The following SLC44A1 variants were observed in gnomAD, a reference collection of about 807,000 sequenced individuals.
SLC44A1 encodes the protein choline transporter-like protein 1.
A neutral mutation model predicts 79.3 loss-of-function variants in SLC44A1; 26 were observed. The observed-to-expected ratio is 0.33, with a 90% CI of 0.24 to 0.46. The LOEUF (loss-of-function observed/expected upper bound fraction) is 0.46, where lower values mean the gene tolerates loss of function less well. Among genes scored for constraint, SLC44A1 ranks in the 20% least tolerant of loss-of-function variants. The pLI is 1.00. For missense variants in SLC44A1, 688 were observed against 798.1 expected (o/e 0.86, Z 1.66); for synonymous variants, 263 against 286.2 (o/e 0.92, Z 0.82).
At chr9:105,259,289 A>G (rs1286227344) in intron 1 of SLC44A1, among the ~76,000 whole-genome samples, 1 of 152,220 alleles carries the variant, frequency 6.6e-6, no homozygotes, top group Admixed American at 6.5e-5. Flanking sequence ...ACTTTTAAAT[A>G]AGTAATGGAT....
chr9:105,394,554 T>G lies in SLC44A1; in HGVS notation c.*5498T>G. Reference sequence around the variant, plus strand: ...AGAAGAAATAAATAGGGAATCCTTGTAATTAATCCATCTACCAAAACACTT... The same window carrying G: ...AGAAGAAATAAATAGGGAATCCTTGGAATTAATCCATCTACCAAAACACTT... On this transcript the variant is annotated 3_prime_UTR_variant, in exon 16 of 16. Transcript: ENST00000374720. 1.0e-6 allele frequency: 1 copy of G among 985,048 alleles called. No homozygotes were observed. Among genetic ancestry groups the G allele is most frequent in the African/African-American group, 1.7e-5 (1 of 57,258 alleles). The allele number at this position is 985,048 out of a possible 1,614,324, so 61.0% of individuals were successfully genotyped here. A position where few individuals can be genotyped will look rare whatever the true frequency, so the allele number is the denominator to read the frequency against.
chr9:105,369,717 A>G (rs888788250), intron 12 of SLC44A1, among the ~76,000 whole-genome samples: 8 of 152,230 alleles, frequency 5.3e-5, no homozygotes, highest in African/African-American at 1.7e-4. Context: ...CATTATGTGA[A>G]TATTTTAAAC....
Position 105,396,603 on chromosome 9 carries a change from T to A in SLC44A1, c.*7547T>A. The A allele has an allele frequency of 2.0e-6, 2 of 985,420 alleles. No homozygotes were observed. Among genetic ancestry groups the A allele is most frequent in the Non-Finnish European group, 2.4e-6 (2 of 829,924 alleles). The allele number at this position is 985,420 out of a possible 1,614,324, so 61.0% of individuals were successfully genotyped here. A position where few individuals can be genotyped will look rare whatever the true frequency, so the allele number is the denominator to read the frequency against. On this transcript the variant is annotated 3_prime_UTR_variant, in exon 16 of 16. Transcript: ENST00000374720. ...ATCCAGTGTCAAGCCCAGCCCAGCA[T>A]ATGGGGTGATATGAGCAGAAAACAC...
At chr9:105,383,779 G>A (rs975620115) in intron 14 of SLC44A1, among the ~76,000 whole-genome samples, 6 of 152,102 alleles carry the variant, frequency 3.9e-5, no homozygotes, top group Non-Finnish European at 5.9e-5. Context: ...TGTCAACCCT[G>A]GTTAAAACTC....
In SLC44A1 at chr9:105,393,112, G is replaced by A; in HGVS notation, c.*4056G>A. 1.0e-6 allele frequency: 1 copy of A among 985,396 alleles called. No individual in the cohort carries two copies. The highest frequency in any genetic ancestry group is 1.7e-5 in the African/African-American group (1 of 57,360). The allele number at this position is 985,396 out of a possible 1,614,324, so 61.0% of individuals were successfully genotyped here. On this transcript the variant is annotated 3_prime_UTR_variant, in exon 16 of 16. Coordinates refer to ENST00000374720, the MANE Select transcript of SLC44A1 (RefSeq NM_080546.5). ...CTAGAACTGGTAAGAAGTGGTCTGT[G>A]AATGTATATTGAAAAAATGTGGGTT...
At chr9:105,294,798 T>C (rs1006036274) in intron 1 of SLC44A1, 1 of 151,902 alleles carries the variant, frequency 6.6e-6, no homozygotes, top group Non-Finnish European at 1.5e-5. Context: ...TTCAATTACA[T>C]GTATGTCATA....
chr9:105,384,808 A>G (rs1828579886), intron 14 of SLC44A1, among the ~76,000 whole-genome samples: 1 of 152,242 alleles, frequency 6.6e-6, no homozygotes, highest in Non-Finnish European at 1.5e-5. Context: ...TTGACAGAAT[A>G]GAAATGTTCC....
Position 105,419,072 on chromosome 9 carries a change from A to C in SLC44A1, c.1951-19209A>C, listed in dbSNP as rs548763893. Among the ~76,000 whole-genome samples the C allele has an allele frequency of 5.3e-5, 8 of 152,322 alleles. No homozygotes were observed. The East Asian group carries it at 7.7e-4, about 15-fold the overall frequency. On this transcript the variant is annotated intron_variant, in intron 15 of 15. Coordinates refer to the SLC44A1 transcript ENST00000374724. ...TGAACTTGACAATCAAAATAGAGCCAAGTGACAAAAGTTTGAAAAGACACA... is the reference window on the plus strand; with the variant it reads ...TGAACTTGACAATCAAAATAGAGCCCAGTGACAAAAGTTTGAAAAGACACA...
chr9:105,408,662 C>T (rs1038089430), intron 15 of SLC44A1, among the ~76,000 whole-genome samples: 1 of 152,174 alleles, frequency 6.6e-6, no homozygotes, highest in South Asian at 2.1e-4. Flanking sequence ...CCACCCACCT[C>T]GGCTTCCCAA....
At chr9:105,302,175 AC>A (rs1280070036) in intron 2 of SLC44A1, among the ~76,000 whole-genome samples, 5 of 152,094 alleles carry the variant, frequency 3.3e-5, no homozygotes, top group Non-Finnish European at 7.4e-5. Context: ...CTACATTTGA[AC>A]TTTCATCACT....
chr9:105,319,086 AG>A (rs1016763219), intron 3 of SLC44A1, among the ~76,000 whole-genome samples: 1 of 152,164 alleles, frequency 6.6e-6, no homozygotes, highest in African/African-American at 2.4e-5. Context: ...ATGGCAATCA[AG>A]TGGGTTTGCC....
At chr9:105,247,740 T>G (rs1405254744) in intron 1 of SLC44A1, among the ~76,000 whole-genome samples, 1 of 152,224 alleles carries the variant, frequency 6.6e-6, no homozygotes, top group Non-Finnish European at 1.5e-5. Context: ...TACTTAATAG[T>G]TGCTCAGCAG....
At chr9:105,275,509 C>T (rs1830177786) in intron 1 of SLC44A1, among the ~76,000 whole-genome samples, 2 of 152,190 alleles carry the variant, frequency 1.3e-5, no homozygotes, top group African/African-American at 2.4e-5. Flanking sequence ...CTGAGGGATC[C>T]ACCTTGGAGG....
At chr9:105,291,899 C>T (rs113459711) in intron 1 of SLC44A1, among the ~76,000 whole-genome samples, 10 of 152,192 alleles carry the variant, frequency 6.6e-5, no homozygotes, top group South Asian at 4.2e-4. Flanking sequence ...CTTGATTGTG[C>T]GTAAATTTCT....
At chr9:105,326,581 C>G (rs1385530587) in intron 3 of SLC44A1, among the ~76,000 whole-genome samples, 2 of 152,160 alleles carry the variant, frequency 1.3e-5, no homozygotes, top group Non-Finnish European at 2.9e-5. Flanking sequence ...TTCTTTGGCT[C>G]TTTCGTCATC....
At chr9:105,352,754 G>A (rs1219340944) in intron 5 of SLC44A1, among the ~76,000 whole-genome samples, 2 of 151,962 alleles carry the variant, frequency 1.3e-5, no homozygotes, top group African/African-American at 4.8e-5. Context: ...ATATGAAATC[G>A]GTGAATTCAC....
At chr9:105,253,212 A>C (rs910995812) in intron 1 of SLC44A1, among the ~76,000 whole-genome samples, 2 of 152,236 alleles carry the variant, frequency 1.3e-5, no homozygotes, top group Admixed American at 6.5e-5. Flanking sequence ...AAATGCTGAA[A>C]ATTATTAAAT....
At chr9:105,285,686 G>T (rs1830457631) in intron 1 of SLC44A1, among the ~76,000 whole-genome samples, 2 of 152,172 alleles carry the variant, frequency 1.3e-5, no homozygotes, top group African/African-American at 4.8e-5. Flanking sequence ...ATTCTCAAGG[G>T]TGGGGAGAAT....
rs553496510 is a variant in SLC44A1, at chr9:105,404,071, TA to T, written c.1950+18572del. ...GGAAAACAAAGTGAAGAGACCATTG[TA>T]AATATACCATGTGATTCAGAATGAG... On this transcript the variant is annotated intron_variant, in intron 15 of 15. Transcript: ENST00000374724. Among the ~76,000 whole-genome samples, 136 of 151,972 alleles carry T rather than the reference TA, an allele frequency of 8.9e-4. 1 individual carries two copies. The Middle Eastern group carries it at 0.014, about 15-fold the overall frequency.
Sources: allele counts gnomAD v4.1 joint callset (sites outside exome capture counted in the v4.1 genomes callset), GRCh38; gene constraint gnomAD v4.1.1; transcripts MANE v1.5; gene names NCBI Gene and HGNC (gene_info 2026-07-23, HGNC 2026-07-21).